USP25: variants seen among roughly 807,000 people sequenced by gnomAD.
The protein encoded by USP25 is ubiquitin specific peptidase 25.
USP25 carries 85 observed loss-of-function variants against 158.5 expected under a neutral mutation model. The observed-to-expected ratio is 0.54, with a 90% CI of 0.45 to 0.64. The LOEUF is 0.64. USP25 is among the 30% of genes least tolerant of loss of function. The probability of loss-of-function intolerance (pLI) is 0.00; values close to 1 mark genes in which losing one functional copy is unlikely to be tolerated. For missense variants in USP25, 1,242 were observed against 1,327.3 expected, an observed-to-expected ratio of 0.94 and a Z score of 1.00; for synonymous variants, 464 against 460.4, an observed-to-expected ratio of 1.01 and a Z score of -0.10.
At chr21:15,870,926 T>C (rs1195289567) in intron 23 of USP25, among the ~76,000 whole-genome samples, 2 of 152,192 alleles carry the variant, frequency 1.3e-5, no homozygotes, top group Admixed American at 6.5e-5. Flanking sequence ...AGCGGCCACC[T>C]GACAAAACTT....
chr21:15,790,714 G>A (rs1368331706), intron 4 of USP25, among the ~76,000 whole-genome samples: 2 of 148,746 alleles, frequency 1.3e-5, no homozygotes, highest in African/African-American at 2.5e-5. Context: ...CAGGCAAAAT[G>A]CTTGGTTAGA....
At chr21:15,793,533 A>G (rs1568813215) in intron 5 of USP25, among the ~76,000 whole-genome samples, 1 of 151,432 alleles carries the variant, frequency 6.6e-6, no homozygotes, top group East Asian at 1.9e-4. Flanking sequence ...AAAAACTAGT[A>G]ATTGTACTAG....
intron 12 of USP25, among the ~76,000 whole-genome samples, chr21:15,825,987 A>G (rs1050130438): frequency 1.3e-5 from 2 of 152,166 alleles, no homozygotes; most frequent in Admixed American, 6.5e-5. Flanking sequence ...GTATATACTC[A>G]CATTCAGTCC....
At chr21:15,873,693 A>G (rs895430136) in intron 23 of USP25, among the ~76,000 whole-genome samples, 1 of 151,690 alleles carries the variant, frequency 6.6e-6, no homozygotes, top group Non-Finnish European at 1.5e-5. Context: ...GGGTTTCTCC[A>G]TGTTGGTCAG....
chr21:15,863,605 C>T (rs2039525063), intron 20 of USP25, among the ~76,000 whole-genome samples: 1 of 152,176 alleles, frequency 6.6e-6, no homozygotes, highest in Non-Finnish European at 1.5e-5. Context: ...CTTACCATCT[C>T]CATCTTATGA....
At chr21:15,845,366 A>G (rs936190688) in intron 18 of USP25, among the ~76,000 whole-genome samples, 1 of 152,166 alleles carries the variant, frequency 6.6e-6, no homozygotes, top group African/African-American at 2.4e-5. Flanking sequence ...ACAATAGAAA[A>G]AGATAAATAA....
intron 20 of USP25, among the ~76,000 whole-genome samples, chr21:15,858,793 A>G (rs1259509577): frequency 1.3e-5 from 2 of 151,944 alleles, no homozygotes; most frequent in East Asian, 3.9e-4. Context: ...CCGCTTTATG[A>G]ATTTTAAAAT....
At chr21:15,782,620 A>T (rs185550113) in intron 4 of USP25, among the ~76,000 whole-genome samples, 121 of 152,310 alleles carry the variant, frequency 7.9e-4, no homozygotes, top group African/African-American at 2.8e-3. Context: ...AGTCACTGAG[A>T]TAATCACGGA....
At chr21:15,837,341 G>A (rs1428646215) in intron 17 of USP25, among the ~76,000 whole-genome samples, 18 of 125,610 alleles carry the variant, frequency 1.4e-4, no homozygotes, top group Admixed American at 4.8e-4. Context: ...GTGGATCAGA[G>A]TGAGTAGGGG....
At chr21:15,784,745 C>T (rs925363644) in intron 4 of USP25, among the ~76,000 whole-genome samples, 5 of 151,580 alleles carry the variant, frequency 3.3e-5, no homozygotes, top group African/African-American at 1.2e-4. Context: ...CCATGGTAAC[C>T]ACAAGAAAAA....
intron 3 of USP25, among the ~76,000 whole-genome samples, chr21:15,769,833 A>G (rs560067074): frequency 6.6e-6 from 1 of 152,290 alleles, no homozygotes; most frequent in Admixed American, 6.5e-5. Context: ...TGAGCGATCA[A>G]AAGATAAGAG....
chr21:15,824,034 T>G lies in USP25; in HGVS notation c.1081-5T>G. Reference sequence around the variant, plus strand: ...AGTTTTTGTTATTGTTTTATTTCCTTTCAGCATTGGTTTACTGAATTACCA... The same window carrying G: ...AGTTTTTGTTATTGTTTTATTTCCTGTCAGCATTGGTTTACTGAATTACCA... On this transcript the variant is annotated splice_region_variant and splice_polypyrimidine_tract_variant and intron_variant, in intron 10 of 25. Coordinates refer to ENST00000400183, the MANE Select transcript of USP25 (RefSeq NM_001283041.3). 1 of 1,610,562 alleles carries G rather than the reference T, an allele frequency of 6.2e-7. No homozygotes were observed. The highest frequency in any genetic ancestry group is 1.1e-5 in the South Asian group (1 of 90,460).
intron 17 of USP25, among the ~76,000 whole-genome samples, chr21:15,841,252 G>A (rs570645372): frequency 9.9e-5 from 15 of 152,204 alleles, no homozygotes; most frequent in African/African-American, 3.4e-4. Flanking sequence ...AGCCAATTTT[G>A]TGTCCCCCTG....
chr21:15,824,107 G>A lies in USP25; in HGVS notation c.1149G>A (p.Leu383=). The A allele has an allele frequency of 6.2e-7, 1 of 1,613,484 alleles. No homozygotes were observed. The highest frequency in any genetic ancestry group is 8.5e-7 in the Non-Finnish European group (1 of 1,179,792). Reference sequence around the variant, plus strand: ...CAAGATTTGAATTTAATCAGGCATTGGGAAGACCAGAAAAAATTCACAACA... The same window carrying A: ...CAAGATTTGAATTTAATCAGGCATTAGGAAGACCAGAAAAAATTCACAACA... ...ELSRFEFNQA[L]GRPEKIHNKL... Residue 383 remains leucine (L), a synonymous_variant, in exon 11 of 26, where the codon TTG becomes TTA. Transcript: ENST00000400183.
intron 17 of USP25, among the ~76,000 whole-genome samples, chr21:15,836,356 A>G (rs76044853): frequency 0.076 from 11,595 of 152,304 alleles, 506 homozygotes; most frequent in East Asian, 0.099. Flanking sequence ...GTATCAGTTC[A>G]CCAGCACCAT....
rs1256479480 is a variant in USP25 at position 15,879,993 on chromosome 21, T to C, written c.*1518T>C. On this transcript the variant is annotated 3_prime_UTR_variant, in exon 26 of 26. Coordinates refer to ENST00000400183, the MANE Select transcript of USP25 (RefSeq NM_001283041.3). The stretch of plus-strand genomic sequence containing the variant: ...TGGTTTTCCAGTCCTGTTAAAAGTT[T>C]AGAAACTTCATATGTGTCATCACAG... The C allele has an allele frequency of 6.6e-6, 1 of 152,242 alleles. No individual in the cohort carries two copies. The highest frequency in any genetic ancestry group is 2.4e-5 in the African/African-American group (1 of 41,474). The allele number at this position is 152,242 out of a possible 1,614,324, so 9.4% of individuals were successfully genotyped here. A position where few individuals can be genotyped will look rare whatever the true frequency, so the allele number is the denominator to read the frequency against.
intron 7 of USP25, among the ~76,000 whole-genome samples, chr21:15,806,484 C>T (rs2036399463): frequency 6.9e-6 from 1 of 145,800 alleles, no homozygotes; most frequent in African/African-American, 2.5e-5. Flanking sequence ...GGTATCTTTT[C>T]ACATTTAAAG....
chr21:15,791,807 G>C, intron 5 of USP25, 143 bp downstream of exon 5: 2 of 805,736 alleles, frequency 2.5e-6, no homozygotes, highest in Non-Finnish European at 3.5e-6. Flanking sequence ...CTAGCTTGGG[G>C]ATTGAAGTAT....
At chr21:15,784,640 AG>A (rs2035173476) in intron 4 of USP25, among the ~76,000 whole-genome samples, 1 of 152,104 alleles carries the variant, frequency 6.6e-6, no homozygotes, top group South Asian at 2.1e-4. Context: ...TAGGGGAGTG[AG>A]GGGAAAAAGT....
Sources: allele counts gnomAD v4.1 joint callset (sites outside exome capture counted in the v4.1 genomes callset), GRCh38; gene constraint gnomAD v4.1.1; transcripts MANE v1.5; gene names NCBI Gene and HGNC (gene_info 2026-07-23, HGNC 2026-07-21).